Variants in TEKT5 observed in about 807,000 individuals in gnomAD.
TEKT5 encodes the protein tektin-5.
A neutral mutation model predicts 48.7 loss-of-function variants in TEKT5; 52 were observed. That is an observed-to-expected ratio of 1.07 (90% CI 0.86 to 1.35). The LOEUF (loss-of-function observed/expected upper bound fraction) is 1.35. Ranked by LOEUF, TEKT5 falls within the 40% of genes most tolerant of loss-of-function variation. TEKT5 has a pLI of 0.00. For synonymous variants in TEKT5, 318 were observed against 267.6 expected (o/e 1.19, Z -1.84); for missense variants, 831 against 641.6 (o/e 1.30, Z -3.19).
At chr16:10,631,083 TACAC>T (rs1555464267) in intron 6 of TEKT5, among the ~76,000 whole-genome samples, 4 of 148,734 alleles carry the variant, frequency 2.7e-5, no homozygotes, top group South Asian at 4.3e-4. Flanking sequence ...TATATATATA[TACAC>T]ACACACACAC....
At chr16:10,653,881 C>A (rs1042514739) in intron 5 of TEKT5, among the ~76,000 whole-genome samples, 2 of 152,124 alleles carry the variant, frequency 1.3e-5, no homozygotes, top group East Asian at 3.8e-4. Context: ...CCATTGCACT[C>A]CAGCCTGGGC....
intron 5 of TEKT5, among the ~76,000 whole-genome samples, chr16:10,672,583 G>A (rs145781251): frequency 1.4e-3 from 218 of 152,262 alleles, no homozygotes; most frequent in African/African-American, 4.9e-3. Context: ...GTTACAGAGC[G>A]AGACTGTCTC....
chr16:10,660,201 A>T (rs1898340664), intron 5 of TEKT5, among the ~76,000 whole-genome samples: 1 of 152,080 alleles, frequency 6.6e-6, no homozygotes, highest in African/African-American at 2.4e-5. Context: ...CAACCCACTT[A>T]TTCCAGTGTA....
chr16:10,689,951 G>C lies in TEKT5; in HGVS notation c.639C>G (p.Asn213Lys), dbSNP rs368648709. 1.9e-6 allele frequency: 3 copies of C among 1,613,974 alleles called. No homozygotes were observed. Among genetic ancestry groups the C allele is most frequent in the South Asian group, 1.1e-5 (1 of 91,056 alleles). The change falls in exon 2 of 7, where the codon AAC becomes AAG. Residue 213 changes from asparagine (N) to lysine (K), a missense_variant. By Grantham distance (94) the Asn-to-Lys change is moderately conservative. Coordinates refer to ENST00000283025, the MANE Select transcript of TEKT5 (RefSeq NM_144674.2). The part of the protein sequence containing the change: ...IDLVHDNVEK[N>K]LIREVDLLKC... ...CCAGGAGATGCCTTACCCGGATAAGGTTTTTCTCCACGTTGTCATGGACCA... is the reference window on the plus strand; with the variant it reads ...CCAGGAGATGCCTTACCCGGATAAGCTTTTTCTCCACGTTGTCATGGACCA...
chr16:10,648,569 T>C (rs980069840), intron 5 of TEKT5, among the ~76,000 whole-genome samples: 7 of 152,144 alleles, frequency 4.6e-5, no homozygotes, highest in Non-Finnish European at 7.3e-5. Context: ...CGGCCTCGAG[T>C]GATCCGCCTA....
chr16:10,678,629 A>ACAACAAGGC (rs1898691321), intron 4 of TEKT5, among the ~76,000 whole-genome samples: 1 of 152,170 alleles, frequency 6.6e-6, no homozygotes, highest in Non-Finnish European at 1.5e-5. Context: ...CCGCACAACA[A>ACAACAAGGC]CGTCCCATCC....
intron 5 of TEKT5, among the ~76,000 whole-genome samples, chr16:10,673,223 G>A (rs987075103): frequency 2.0e-5 from 3 of 152,288 alleles, no homozygotes; most frequent in African/African-American, 7.2e-5. Context: ...CCTGGAGGAA[G>A]CGACTTTTGA....
rs1171439092 is a variant in TEKT5 at position 10,676,061 on chromosome 16, C to T, written c.984G>A (p.Ser328=). The change falls in exon 5 of 7, where the codon TCG becomes TCA. Residue 328 remains serine (S), a synonymous_variant. Transcript: ENST00000283025. ...CTGTGAACTGCCTCCACATCTGATC[C>T]GACAAGGTCTCAAAGAGGTGCTCCG... ...EEAEHLFETL[S]DQMWRQFTDT... The T allele has an allele frequency of 4.3e-6, 7 of 1,614,084 alleles. No homozygotes were observed. The highest frequency in any genetic ancestry group is 2.7e-5 in the African/African-American group (2 of 74,916).
rs138459906 is a variant in TEKT5 at position 10,635,023 on chromosome 16, C to T, written c.1241+741G>A. Among the ~76,000 whole-genome samples the T allele has an allele frequency of 7.8e-3, 1,183 of 152,254 alleles. 23 individuals carry two copies. Among genetic ancestry groups the T allele is most frequent in the African/African-American group, 0.026 (1,098 of 41,524 alleles). On this transcript the variant is annotated intron_variant, in intron 6 of 6. Coordinates refer to ENST00000283025, the MANE Select transcript of TEKT5 (RefSeq NM_144674.2). ...CTACCTTTTGGGGTACTTTATTACA[C>T]AGCAATAGACAACTAAGATAATGCC...
chr16:10,693,382 A>T (rs2541490), intron 1 of TEKT5, among the ~76,000 whole-genome samples: 48,948 of 152,132 alleles, frequency 0.32, 8,572 homozygotes, highest in African/African-American at 0.45. Context: ...GGTGTAAGCC[A>T]CTGTGCCCAG....
chr16:10,688,261 T>C (rs1225505640), intron 3 of TEKT5, among the ~76,000 whole-genome samples: 1 of 152,226 alleles, frequency 6.6e-6, no homozygotes, highest in African/African-American at 2.4e-5. Flanking sequence ...GGGTCTCCAA[T>C]GTGTCTGTCC....
intron 4 of TEKT5, among the ~76,000 whole-genome samples, chr16:10,677,897 T>A (rs1318828017): frequency 6.6e-6 from 1 of 152,124 alleles, no homozygotes; most frequent in Non-Finnish European, 1.5e-5. Context: ...ACTCACAGCG[T>A]GGTAGCTGGA....
intron 6 of TEKT5, 39 bp downstream of exon 6, chr16:10,635,725 C>A (rs1245026216): frequency 6.3e-7 from 1 of 1,593,240 alleles, no homozygotes; most frequent in Non-Finnish European, 8.6e-7. Context: ...TCCTGGATTC[C>A]CAGGGGTTCT....
At chr16:10,673,965 T>C (rs1258181255) in intron 5 of TEKT5, among the ~76,000 whole-genome samples, 2 of 152,120 alleles carry the variant, frequency 1.3e-5, no homozygotes, top group South Asian at 4.1e-4. Context: ...GCATCCATTC[T>C]TAACCTCTGC....
chr16:10,644,454 C>T (rs1427608571), intron 5 of TEKT5, among the ~76,000 whole-genome samples: 1 of 152,212 alleles, frequency 6.6e-6, no homozygotes, highest in Non-Finnish European at 1.5e-5. Flanking sequence ...TACACACTTA[C>T]TGCATCCAAA....
chr16:10,640,011 C>T (rs75810692), intron 5 of TEKT5, among the ~76,000 whole-genome samples: 3,394 of 151,956 alleles, frequency 0.022, 136 homozygotes, highest in African/African-American at 0.078. Flanking sequence ...TCTTCCTCCT[C>T]CTCAGTCTTT....
At chr16:10,689,692 G>C (rs1898931457) in intron 2 of TEKT5, among the ~76,000 whole-genome samples, 1 of 152,084 alleles carries the variant, frequency 6.6e-6, no homozygotes, top group African/African-American at 2.4e-5. Context: ...ATAAACGCTA[G>C]CTTTTATTAT....
intron 5 of TEKT5, among the ~76,000 whole-genome samples, chr16:10,666,974 CTTACTTTT>C (rs1898469058): frequency 8.4e-6 from 1 of 118,718 alleles, no homozygotes; most frequent in Non-Finnish European, 1.7e-5. Flanking sequence ...ACACTGGCTC[CTTACTTTT>C]TTTTTTTTTT....
chr16:10,631,221 A>G (rs369937123), intron 6 of TEKT5, among the ~76,000 whole-genome samples: 155 of 144,980 alleles, frequency 1.1e-3, no homozygotes, highest in African/African-American at 4.0e-3. Context: ...ATACCATTAC[A>G]CTCCAGCCTG....
Sources: allele counts gnomAD v4.1 joint callset (sites outside exome capture counted in the v4.1 genomes callset), GRCh38; gene constraint gnomAD v4.1.1; transcripts MANE v1.5; gene names NCBI Gene and HGNC (gene_info 2026-07-23, HGNC 2026-07-21).